TDRD3: variants seen among roughly 807,000 people sequenced by gnomAD.
TDRD3 encodes the protein tudor domain containing 3.
TDRD3 carries 45 observed loss-of-function variants against 86.7 expected under a neutral mutation model. The observed-to-expected ratio is 0.52, with a 90% CI of 0.41 to 0.67. TDRD3 has a LOEUF of 0.67. Ranked by LOEUF, TDRD3 falls within the 30% of genes least tolerant of loss-of-function variation. The probability of loss-of-function intolerance (pLI) is 0.00; values close to 1 mark genes in which losing one functional copy is unlikely to be tolerated. For synonymous variants in TDRD3, 298 were observed against 301.7 expected (o/e 0.99, Z 0.13); for missense variants, 814 against 889.0 (o/e 0.92, Z 1.07).
chr13:60,510,592 G>T lies in TDRD3; in HGVS notation c.1016-38G>T, dbSNP rs751561725. On this transcript the variant is annotated intron_variant, in intron 9 of 13. Transcript: ENST00000377881. ...TAGTATATATTCTCTTTTTGTTTTT[G>T]CATATACAGTACATATTTCTTGCTT... The T allele has an allele frequency of 4.6e-6, 7 of 1,519,480 alleles. No individual in the cohort carries two copies. The South Asian group carries it at 9.7e-5, about 21-fold the overall frequency. 94.1% of individuals were successfully genotyped at this position (1,519,480 alleles called of 1,614,324 possible).
chr13:60,536,593 C>T (rs902254548), intron 12 of TDRD3: 2 of 151,898 alleles, frequency 1.3e-5, no homozygotes, highest in African/African-American at 2.4e-5. Context: ...AAGTTGAGTC[C>T]TGGTTTGCTA....
intron 12 of TDRD3, among the ~76,000 whole-genome samples, chr13:60,555,726 A>G (rs996362964): frequency 2.0e-5 from 3 of 152,180 alleles, no homozygotes; most frequent in African/African-American, 7.2e-5. Context: ...AGTTCATTCA[A>G]TCTTAGTTCT....
intron 5 of TDRD3, among the ~76,000 whole-genome samples, chr13:60,468,167 T>C (rs1263045743): frequency 4.6e-5 from 7 of 152,212 alleles, no homozygotes; most frequent in African/African-American, 1.4e-4. Flanking sequence ...ATTCTAGCCC[T>C]AGTTCCAGTT....
At chr13:60,527,696 G>C (rs992963220) in intron 10 of TDRD3, among the ~76,000 whole-genome samples, 1 of 152,152 alleles carries the variant, frequency 6.6e-6, no homozygotes, top group African/African-American at 2.4e-5. Flanking sequence ...ATTATGCTTA[G>C]TAATGTTTCT....
intron 11 of TDRD3, among the ~76,000 whole-genome samples, chr13:60,529,678 T>A (rs1957536830): frequency 6.6e-6 from 1 of 152,070 alleles, no homozygotes; most frequent in South Asian, 2.1e-4. Flanking sequence ...AAGTTAATTA[T>A]TTATTTTATA....
intron 12 of TDRD3, among the ~76,000 whole-genome samples, chr13:60,555,726 A>T (rs996362964): frequency 6.6e-6 from 1 of 152,180 alleles, no homozygotes; most frequent in African/African-American, 2.4e-5. Flanking sequence ...AGTTCATTCA[A>T]TCTTAGTTCT....
intron 5 of TDRD3, among the ~76,000 whole-genome samples, chr13:60,481,036 G>A (rs1383118916): frequency 6.6e-6 from 1 of 152,148 alleles, no homozygotes; most frequent in Non-Finnish European, 1.5e-5. Flanking sequence ...GTTTTCTGAA[G>A]GGGTGGCAGC....
Position 60,573,619 on chromosome 13 carries a change from C to G in TDRD3, c.*13C>G, listed in dbSNP as rs1029680679. On this transcript the variant is annotated 3_prime_UTR_variant, in exon 14 of 14. Coordinates refer to ENST00000377881, the MANE Select transcript of TDRD3 (RefSeq NM_001146070.2). ...TCTTCATTTCTTTTTAAAGTAGACT[C>G]TTTGTGAAGAAACGAGCCAGTGACT... is the stretch of plus-strand genomic sequence containing the variant. 2 of 985,210 alleles carry G rather than the reference C, an allele frequency of 2.0e-6. No individual in the cohort carries two copies. Among genetic ancestry groups the G allele is most frequent in the African/African-American group, 1.7e-5 (1 of 57,198 alleles). The allele number at this position is 985,210 out of a possible 1,614,324, so 61.0% of individuals were successfully genotyped here. A position where few individuals can be genotyped will look rare whatever the true frequency, so the allele number is the denominator to read the frequency against.
In TDRD3 at chr13:60,495,685, G is replaced by A. The variant is rs924278586; in HGVS notation, c.858+1110G>A. ...TCACTATATTAGTGAAACTGGTCTC[G>A]AACTCCTGACCTCAGATGATCCACC... On this transcript the variant is annotated intron_variant, in intron 8 of 13. Transcript: ENST00000377881. Among the ~76,000 whole-genome samples the A allele has an allele frequency of 5.9e-5, 9 of 152,010 alleles. No homozygotes were observed. The South Asian group carries it at 1.2e-3, about 21-fold the overall frequency.
At chr13:60,429,131 CTT>C (rs1395179029) in intron 1 of TDRD3, among the ~76,000 whole-genome samples, 4 of 152,110 alleles carry the variant, frequency 2.6e-5, no homozygotes, top group Non-Finnish European at 5.9e-5. Context: ...CTATTTCACT[CTT>C]TTGACAAAAA....
chr13:60,458,631 A>G (rs935703755), intron 3 of TDRD3, among the ~76,000 whole-genome samples: 1 of 152,202 alleles, frequency 6.6e-6, no homozygotes, highest in African/African-American at 2.4e-5. Flanking sequence ...TGGAACATGT[A>G]GGCCTAGATC....
chr13:60,546,445 A>G (rs1379567022), intron 12 of TDRD3, among the ~76,000 whole-genome samples: 1 of 152,158 alleles, frequency 6.6e-6, no homozygotes, highest in Non-Finnish European at 1.5e-5. Context: ...ATTTTGTTAT[A>G]GAAGTTTAAT....
upstream of TDRD3, among the ~76,000 whole-genome samples, chr13:60,396,294 G>A (rs1239012622): frequency 1.3e-5 from 2 of 152,226 alleles, no homozygotes; most frequent in Non-Finnish European, 2.9e-5. Flanking sequence ...CCGCAGAGGT[G>A]AAAGACCAAG....
At chr13:60,478,319 T>TTTTTTTG (rs1566226452) in intron 5 of TDRD3, among the ~76,000 whole-genome samples, 1 of 100,556 alleles carries the variant, frequency 9.9e-6, no homozygotes. Context: ...TTTTTTTTTT[T>TTTTTTTG]GAGACAGAGT....
At chr13:60,519,342 A>T (rs9538734) in intron 10 of TDRD3, among the ~76,000 whole-genome samples, 2 of 152,064 alleles carry the variant, frequency 1.3e-5, no homozygotes, top group Non-Finnish European at 2.9e-5. Flanking sequence ...CAGATAAGGA[A>T]ATAGGTTTGT....
At chr13:60,437,643 A>G (rs1416079964) in intron 1 of TDRD3, among the ~76,000 whole-genome samples, 2 of 151,368 alleles carry the variant, frequency 1.3e-5, no homozygotes, top group Non-Finnish European at 1.5e-5. Flanking sequence ...TAAATTAATT[A>G]ATCTATTCTA....
Position 60,397,255 on chromosome 13 carries a change from GT to G in TDRD3, c.-104del, listed in dbSNP as rs1395404701. 1.1e-5 allele frequency: 7 copies of G among 639,938 alleles called. No homozygotes were observed. Among genetic ancestry groups the G allele is most frequent in the South Asian group, 3.1e-5 (1 of 32,200 alleles). 39.6% of individuals were successfully genotyped at this position (639,938 alleles called of 1,614,324 possible). A position where few individuals can be genotyped will look rare whatever the true frequency, so the allele number is the denominator to read the frequency against. ...CCCAGTTGCAGAGCCGACCAGAGGAGTTTTTTCTTTTCTTTTCTTTTTTTTT... is the reference window on the plus strand; with the variant it reads ...CCCAGTTGCAGAGCCGACCAGAGGAGTTTTTCTTTTCTTTTCTTTTTTTTT... On this transcript the variant is annotated 5_prime_UTR_variant, in exon 1 of 14. It introduces an in-frame stop codon into an upstream open reading frame of the 5' UTR. Transcript: ENST00000377881.
At chr13:60,548,778 CTT>C (rs34285410) in intron 12 of TDRD3, among the ~76,000 whole-genome samples, 20,198 of 152,128 alleles carry the variant, frequency 0.13, 1,406 homozygotes, top group African/African-American at 0.16. Context: ...TATGGGTACT[CTT>C]ATACATTGCT....
intron 10 of TDRD3, among the ~76,000 whole-genome samples, chr13:60,514,343 T>C (rs778103298): frequency 7.9e-5 from 12 of 152,210 alleles, no homozygotes; most frequent in Non-Finnish European, 1.6e-4. Flanking sequence ...AAACACATGA[T>C]AAAAGTTTGG....
Sources: gnomAD v4.1 joint callset for allele counts (sites outside exome capture counted in the v4.1 genomes callset) on GRCh38, gnomAD v4.1.1 for gene constraint, MANE v1.5 for transcripts, NCBI Gene and HGNC (gene_info 2026-07-23, HGNC 2026-07-21) for gene names.